MED13L: variants seen among roughly 807,000 people sequenced by gnomAD.
The protein encoded by MED13L is mediator of RNA polymerase II transcription subunit 13-like.
Under a neutral mutation model 220.9 loss-of-function variants are expected in MED13L, and 7 were observed. The observed-to-expected ratio is 0.03, with a 90% CI of 0.02 to 0.06. The LOEUF (loss-of-function observed/expected upper bound fraction) is 0.06, where lower values mean the gene tolerates loss of function less well. MED13L is among the 10% of genes least tolerant of loss of function. MED13L has a pLI of 1.00. For synonymous variants in MED13L, 1,011 were observed against 1,015.2 expected (o/e 1.00, Z 0.08); for missense variants, 1,965 against 2,760.5 (o/e 0.71, Z 6.46).
chr12:116,028,509 C>T (rs1346556819), intron 4 of MED13L, among the ~76,000 whole-genome samples: 1 of 152,168 alleles, frequency 6.6e-6, no homozygotes, highest in African/African-American at 2.4e-5. Flanking sequence ...GAATAAAAAC[C>T]TGGTCCTTCT....
chr12:116,212,242 T>C (rs76420149), intron 2 of MED13L, among the ~76,000 whole-genome samples: 2,980 of 152,280 alleles, frequency 0.02, 61 homozygotes, highest in Middle Eastern at 0.055. Context: ...CTGTATACCT[T>C]TGTAATTAAA....
chr12:116,089,660 G>A (rs1224476702), intron 4 of MED13L, among the ~76,000 whole-genome samples: 1 of 151,340 alleles, frequency 6.6e-6, no homozygotes, highest in Non-Finnish European at 1.5e-5. Context: ...TTCCCCTCTC[G>A]CCTACACAGA....
intron 29 of MED13L, among the ~76,000 whole-genome samples, chr12:115,964,343 T>C (rs1875988895): frequency 6.6e-6 from 1 of 152,146 alleles, no homozygotes; most frequent in Non-Finnish European, 1.5e-5. Context: ...GCCAACATGA[T>C]CTGTACATGA....
intron 2 of MED13L, among the ~76,000 whole-genome samples, chr12:116,226,050 A>G (rs1291844431): frequency 7.1e-6 from 1 of 140,044 alleles, no homozygotes; most frequent in Admixed American, 7.8e-5. Context: ...ATCTTTATCT[A>G]ATTTTTATCT....
chr12:116,204,740 C>T (rs1198362070), intron 2 of MED13L, among the ~76,000 whole-genome samples: 1 of 152,152 alleles, frequency 6.6e-6, no homozygotes, highest in African/African-American at 2.4e-5. Flanking sequence ...GCCCTTTATC[C>T]TAAACCTACC....
At chr12:116,271,951 G>A (rs1426122890) in intron 1 of MED13L, among the ~76,000 whole-genome samples, 1 of 151,932 alleles carries the variant, frequency 6.6e-6, no homozygotes, top group Non-Finnish European at 1.5e-5. Flanking sequence ...CTTAAAGAAG[G>A]GGAACATTGT....
intron 1 of MED13L, among the ~76,000 whole-genome samples, chr12:116,257,641 C>T (rs1200800904): frequency 1.3e-5 from 2 of 152,106 alleles, no homozygotes; most frequent in African/African-American, 4.8e-5. Context: ...AAAGAGATTA[C>T]TTTTTAAGCT....
intron 4 of MED13L, among the ~76,000 whole-genome samples, chr12:116,031,890 C>T (rs1488685917): frequency 6.6e-6 from 1 of 151,308 alleles, no homozygotes; most frequent in African/African-American, 2.4e-5. Context: ...CCTATGTAGA[C>T]AATACATAGA....
At chr12:116,082,710 A>G (rs1489583148) in intron 4 of MED13L, 2 of 152,200 alleles carry the variant, frequency 1.3e-5, no homozygotes, top group African/African-American at 4.8e-5. Context: ...AGAACTCCAT[A>G]TTATATGTGA....
intron 3 of MED13L, among the ~76,000 whole-genome samples, chr12:116,096,961 G>A (rs887227783): frequency 6.6e-6 from 1 of 152,110 alleles, no homozygotes; most frequent in African/African-American, 2.4e-5. Flanking sequence ...ACGTAAAAAA[G>A]AAAATGTAAA....
At chr12:116,143,593 A>G (rs1388859326) in intron 2 of MED13L, among the ~76,000 whole-genome samples, 1 of 152,188 alleles carries the variant, frequency 6.6e-6, no homozygotes, top group Non-Finnish European at 1.5e-5. Context: ...ACTTCCTCTC[A>G]GAGCTGACTC....
intron 25 of MED13L, chr12:115,972,595 G>A (rs1244551677): frequency 9.1e-6 from 3 of 330,312 alleles, no homozygotes; most frequent in South Asian, 2.7e-5. Context: ...CTCAAGGTCC[G>A]ATTCTTTCAG....
intron 1 of MED13L, among the ~76,000 whole-genome samples, chr12:116,248,722 G>A (rs1028812622): frequency 6.6e-6 from 1 of 152,190 alleles, no homozygotes; most frequent in African/African-American, 2.4e-5. Context: ...TGCAAGTGGG[G>A]CCACATGGCC....
intron 2 of MED13L, chr12:116,236,728 T>C: frequency 1.7e-6 from 1 of 595,850 alleles, no homozygotes; most frequent in Non-Finnish European, 2.1e-6. Flanking sequence ...AAGGTAAAAA[T>C]TTTTACCAGA....
At chr12:116,084,975 A>G (rs1017436141) in intron 4 of MED13L, among the ~76,000 whole-genome samples, 3 of 152,168 alleles carry the variant, frequency 2.0e-5, no homozygotes, top group Non-Finnish European at 2.9e-5. Flanking sequence ...AACTGTTTTC[A>G]ATTATATATA....
intron 3 of MED13L, among the ~76,000 whole-genome samples, chr12:116,103,111 A>G (rs962892153): frequency 3.3e-5 from 5 of 151,882 alleles, no homozygotes; most frequent in African/African-American, 4.8e-5. Context: ...CCTCTCTAAC[A>G]TGCCTGTCCG....
At chr12:116,041,637 G>A (rs565874748) in intron 4 of MED13L, among the ~76,000 whole-genome samples, 2 of 152,338 alleles carry the variant, frequency 1.3e-5, no homozygotes, top group East Asian at 1.9e-4. Flanking sequence ...AAGGTCAGGA[G>A]ATCAAGACCA....
chr12:115,990,899 CT>C (rs985745246), intron 17 of MED13L, 120 bp downstream of exon 17: 125 of 1,059,104 alleles, frequency 1.2e-4, no homozygotes, highest in Middle Eastern at 4.0e-4. Flanking sequence ...ACTTTAGGTT[CT>C]TTTTTTTCCC....
intron 4 of MED13L, among the ~76,000 whole-genome samples, chr12:116,060,812 ACAC>A (rs1302214128): frequency 6.6e-6 from 1 of 152,144 alleles, no homozygotes; most frequent in Admixed American, 6.5e-5. Flanking sequence ...GCACACACAC[ACAC>A]GAGATACTTG....
Sources: gnomAD v4.1 joint callset for allele counts (sites outside exome capture counted in the v4.1 genomes callset) on GRCh38, gnomAD v4.1.1 for gene constraint, MANE v1.5 for transcripts, NCBI Gene and HGNC (gene_info 2026-07-23, HGNC 2026-07-21) for gene names.